Variants in BBS1 observed in about 807,000 individuals in gnomAD.
The protein encoded by BBS1 is BBSome complex member BBS1.
In BBS1, 60 loss-of-function variants were observed where a neutral mutation model predicts 73.9. That is an observed-to-expected ratio of 0.81 (90% CI 0.66 to 1.01). BBS1 has a LOEUF of 1.01. Among genes scored for constraint, BBS1 ranks in the 50% least tolerant of loss-of-function variants. The pLI is 0.00. For missense variants in BBS1, 718 were observed against 770.3 expected (o/e 0.93, Z 0.80); for synonymous variants, 283 against 317.4 (o/e 0.89, Z 1.15).
Position 66,510,688 on chromosome 11 carries a change from A to T in BBS1, c.29A>T (p.Asp10Val). The change falls in exon 1 of 17, where the codon GAC (aspartate) becomes GTC (valine). Residue 10 changes from aspartate to valine, a missense_variant. Coordinates refer to ENST00000318312, the MANE Select transcript of BBS1 (RefSeq NM_024649.5). ...GCCGCTGCGTCCTCATCGGATTCCG[A>T]CGCCTGCGGAGCTGAGAGGTGAAGG... MAAASSSDS[D>V]ACGAESNEAN... 6.2e-7 allele frequency: 1 copy of T among 1,614,070 alleles called. No individual in the cohort carries two copies. The highest frequency in any genetic ancestry group is 8.5e-7 in the Non-Finnish European group (1 of 1,180,006).
intron 7 of BBS1, among the ~76,000 whole-genome samples, chr11:66,519,106 C>T (rs1856122995): frequency 6.6e-6 from 1 of 152,074 alleles, no homozygotes. Flanking sequence ...TGACTGCAGC[C>T]GGGCATGGTG....
At chr11:66,511,729 A>G (rs1315140553) in intron 3 of BBS1, among the ~76,000 whole-genome samples, 1 of 152,080 alleles carries the variant, frequency 6.6e-6, no homozygotes, top group African/African-American at 2.4e-5. Flanking sequence ...TTTAAATTTA[A>G]TTTTAAGGCC....
Position 66,510,665 on chromosome 11 carries a change from C to G in BBS1, c.6C>G (p.Ala2=), listed in dbSNP as rs143592479. M[A]AASSSDSDAC... ...CCAGGACGACGCCTGCGAAGATGGCCGCTGCGTCCTCATCGGATTCCGACG... is the reference window on the plus strand; with the variant it reads ...CCAGGACGACGCCTGCGAAGATGGCGGCTGCGTCCTCATCGGATTCCGACG... The change falls in exon 1 of 17, where the codon GCC becomes GCG. Residue 2 remains alanine, a synonymous_variant. Coordinates refer to ENST00000318312, the MANE Select transcript of BBS1 (RefSeq NM_024649.5). 3 of 1,614,164 alleles carry G rather than the reference C, an allele frequency of 1.9e-6. No individual in the cohort carries two copies. The highest frequency in any genetic ancestry group is 1.7e-5 in the Admixed American group (1 of 60,034).
chr11:66,512,969 C>A (rs1257963385), intron 3 of BBS1, among the ~76,000 whole-genome samples: 1 of 149,612 alleles, frequency 6.7e-6, no homozygotes, highest in African/African-American at 2.5e-5. Flanking sequence ...GAGACTCCAT[C>A]TCAAAAAAAA....
intron 13 of BBS1, chr11:66,529,205 G>GGGGGTCCGGGGGGGGGGGGGGGGGGGGGC: frequency 1.0e-6 from 1 of 957,310 alleles, no homozygotes; most frequent in Non-Finnish European, 1.6e-6. Context: ...GGCGGGGTGG[G>GGGGGTCCGGGGGGGGGGGGGGGGGGGGGC]CCCTGGAGGT....
rs776061360 is a variant in BBS1, at chr11:66,511,061, C to T, written c.96C>T (p.Ala32=). 10 of 1,614,144 alleles carry T rather than the reference C, an allele frequency of 6.2e-6. No homozygotes were observed. The South Asian group carries it at 1.1e-4, about 18-fold the overall frequency. The change falls in exon 2 of 17, where the codon GCC becomes GCT. Residue 32 remains alanine (A), a synonymous_variant. Coordinates refer to ENST00000318312, the MANE Select transcript of BBS1 (RefSeq NM_024649.5). The part of the protein sequence containing the change: ...KWLDAHYDPM[A]NIHTFSACLA... Reference sequence around the variant, plus strand: ...TGGATGCGCACTACGACCCAATGGCCAATATCCACACCTTTTCTGCCTGCC... The same window carrying T: ...TGGATGCGCACTACGACCCAATGGCTAATATCCACACCTTTTCTGCCTGCC...
chr11:66,525,265 A>G (rs1450031333), intron 11 of BBS1, among the ~76,000 whole-genome samples: 3 of 151,976 alleles, frequency 2.0e-5, no homozygotes, highest in Non-Finnish European at 2.9e-5. Context: ...AGGCTGAGGC[A>G]GAAGAATCAC....
At position 66,515,649 on chromosome 11, in the gene BBS1, C is replaced by T. The variant is rs768013141; in HGVS notation, c.480-44C>T. On this transcript the variant is annotated intron_variant, in intron 5 of 16. Coordinates refer to ENST00000318312, the MANE Select transcript of BBS1 (RefSeq NM_024649.5). ...CTTCATCCCATCTGAGCCCCAGGGC[C>T]CCATTCTTCCATTCGGCTGCCATGC... The T allele has an allele frequency of 6.2e-6, 10 of 1,614,070 alleles. No individual in the cohort carries two copies. The South Asian group carries it at 6.6e-5, about 11-fold the overall frequency.
At position 66,530,887 on chromosome 11, in the gene BBS1, T is replaced by C. The variant is rs754456747; in HGVS notation, c.1474-7T>C. The C allele has an allele frequency of 1.2e-6, 2 of 1,614,058 alleles. No individual in the cohort carries two copies. Among genetic ancestry groups the C allele is most frequent in the Admixed American group, 1.7e-5 (1 of 60,012 alleles). On this transcript the variant is annotated splice_region_variant and splice_polypyrimidine_tract_variant and intron_variant, in intron 14 of 16. Coordinates refer to ENST00000318312, the MANE Select transcript of BBS1 (RefSeq NM_024649.5). ...CTAAGGGCTTTCTCCACCCACCCTC[T>C]CCATAGGTTCAGGGCCTTGGCCCCA...
chr11:66,526,847 A>G (rs745943071), intron 13 of BBS1, 40 bp downstream of exon 13: 4 of 1,614,058 alleles, frequency 2.5e-6, no homozygotes, highest in Admixed American at 3.3e-5. Flanking sequence ...TTCCTCCTCC[A>G]CTGCTCCTAC....
chr11:66,526,387 CT>C (rs747220974), intron 12 of BBS1, among the ~76,000 whole-genome samples, 195 bp downstream of exon 12: 5 of 152,240 alleles, frequency 3.3e-5, no homozygotes, highest in Non-Finnish European at 7.3e-5. Context: ...TGGATTCGAT[CT>C]TTCTAGTTCA....
rs1855933877 is a variant in BBS1, at chr11:66,511,105, C to G, written c.124+16C>G. The G allele has an allele frequency of 1.9e-6, 3 of 1,613,940 alleles. No homozygotes were observed. The highest frequency in any genetic ancestry group is 3.3e-5 in the Admixed American group (2 of 59,986). ...GCCTGCCTAGGTGAGTCTCTGGAAC[C>G]AGGAACCCTGGGTTCTAGTGGGATG... On this transcript the variant is annotated intron_variant, in intron 2 of 16. Transcript: ENST00000318312.
intron 11 of BBS1, chr11:66,524,091 C>T (rs1856377444): frequency 1.1e-5 from 7 of 653,946 alleles, no homozygotes; most frequent in Non-Finnish European, 1.9e-5. Context: ...ACCAGCCTAG[C>T]CAACATGGCA....
chr11:66,527,097 C>A, intron 13 of BBS1: 1 of 1,389,866 alleles, frequency 7.2e-7, no homozygotes, highest in Non-Finnish European at 9.8e-7. Context: ...AGAATTTTGA[C>A]TGGGCATGGT....
At position 66,510,669 on chromosome 11, in the gene BBS1, G is replaced by T. The variant is rs745375133; in HGVS notation, c.10G>T (p.Ala4Ser). The T allele has an allele frequency of 3.5e-5, 57 of 1,614,078 alleles. No homozygotes were observed. Among genetic ancestry groups the T allele is most frequent in the Non-Finnish European group, 4.7e-5 (55 of 1,180,032 alleles). The change falls in exon 1 of 17, where the codon GCG (alanine) becomes TCG (serine). Residue 4 changes from alanine to serine, a missense_variant. Physicochemically the swap from Ala to Ser is moderately conservative, Grantham distance 99 (BLOSUM62 1). Transcript: ENST00000318312. Reference sequence around the variant, plus strand: ...GACGACGCCTGCGAAGATGGCCGCTGCGTCCTCATCGGATTCCGACGCCTG... The same window carrying T: ...GACGACGCCTGCGAAGATGGCCGCTTCGTCCTCATCGGATTCCGACGCCTG... MAA[A>S]SSSDSDACGA...
chr11:66,512,012 A>ATG (rs1225951012), intron 3 of BBS1, among the ~76,000 whole-genome samples: 8 of 143,082 alleles, frequency 5.6e-5, no homozygotes, highest in Non-Finnish European at 1.2e-4. Flanking sequence ...AAATATATAT[A>ATG]TATATATGTG....
intron 15 of BBS1, 125 bp from the exon 16 acceptor site, chr11:66,531,530 AG>A (rs1167094182): frequency 4.6e-5 from 57 of 1,230,262 alleles, no homozygotes; most frequent in Non-Finnish European, 6.7e-5. Context: ...TCCTCCACCC[AG>A]CAGTTGTCCT....
At position 66,510,848 on chromosome 11, in the gene BBS1, T is replaced by C. The variant is rs536316229; in HGVS notation, c.47+142T>C. ...GATAGGGAAACCGAGGCCTAAGATG[T>C]GCATATGTGTGTCTGGAGGTCGCTC... is the stretch of plus-strand genomic sequence containing the variant. On this transcript the variant is annotated intron_variant, in intron 1 of 16. Transcript: ENST00000318312. 15 of 1,376,502 alleles carry C rather than the reference T, an allele frequency of 1.1e-5. No individual in the cohort carries two copies. In the East Asian group the frequency reaches 3.0e-4, roughly 27 times the overall value. 85.3% of individuals were successfully genotyped at this position (1,376,502 alleles called of 1,614,324 possible). A position where few individuals can be genotyped will look rare whatever the true frequency, so the allele number is the denominator to read the frequency against.
At position 66,516,046 on chromosome 11, in the gene BBS1, A is replaced by G. The variant is rs184553602; in HGVS notation, c.591+113A>G. ...CAAACCCAACCAGTATCTCTTTGCT[A>G]TATCCCTTCCAGCCATGCCATGTGT... On this transcript the variant is annotated intron_variant, in intron 7 of 16. Transcript: ENST00000318312. 4,280 of 1,006,518 alleles carry G rather than the reference A, an allele frequency of 4.3e-3. 37 individuals are homozygous for G. The highest frequency in any genetic ancestry group is 3.6e-3 in the Non-Finnish European group (2,371 of 651,210). 62.3% of individuals were successfully genotyped at this position (1,006,518 alleles called of 1,614,324 possible).
Sources: gnomAD v4.1 joint callset for allele counts (sites outside exome capture counted in the v4.1 genomes callset) on GRCh38, gnomAD v4.1.1 for gene constraint, MANE v1.5 for transcripts, NCBI Gene and HGNC (gene_info 2026-07-23, HGNC 2026-07-21) for gene names.